MAML2: variants seen among roughly 807,000 people sequenced by gnomAD.
MAML2 encodes the protein mastermind-like protein 2.
In MAML2, 22 loss-of-function variants were observed where a neutral mutation model predicts 96.1. That is an observed-to-expected ratio of 0.23 (90% CI 0.16 to 0.33). MAML2 has a LOEUF of 0.33. MAML2 is among the 10% of genes least tolerant of loss of function. MAML2 has a pLI of 1.00. For synonymous variants in MAML2, 561 were observed against 521.3 expected (o/e 1.08, Z -1.04); for missense variants, 1,367 against 1,392.4 (o/e 0.98, Z 0.29).
chr11:96,328,553 C>A (rs1863815312), intron 1 of MAML2, among the ~76,000 whole-genome samples: 2 of 152,110 alleles, frequency 1.3e-5, no homozygotes, highest in Admixed American at 6.5e-5. Flanking sequence ...CGCCACCCCC[C>A]AAGATCGTAC....
At chr11:96,282,257 AAT>A (rs1555034725) in intron 1 of MAML2, among the ~76,000 whole-genome samples, 3 of 134,214 alleles carry the variant, frequency 2.2e-5, no homozygotes, top group East Asian at 2.4e-4. Context: ...TCAAAAAAAA[AAT>A]AATAATAATA....
At chr11:96,209,634 A>T (rs953033912) in intron 1 of MAML2, among the ~76,000 whole-genome samples, 2 of 152,098 alleles carry the variant, frequency 1.3e-5, no homozygotes, top group African/African-American at 4.8e-5. Flanking sequence ...GAAAAAAATA[A>T]TTGTATTCTT....
intron 1 of MAML2, among the ~76,000 whole-genome samples, chr11:96,222,222 C>A (rs527606299): frequency 6.6e-6 from 1 of 152,160 alleles, no homozygotes; most frequent in South Asian, 2.1e-4. Flanking sequence ...TTGAAACATA[C>A]GCCTTGTGCT....
intron 1 of MAML2, among the ~76,000 whole-genome samples, chr11:96,142,425 C>T (rs1313528808): frequency 1.3e-5 from 2 of 152,080 alleles, no homozygotes; most frequent in African/African-American, 4.8e-5. Context: ...GGAAAAATAC[C>T]CACCACTTGC....
chr11:96,061,732 AT>A (rs1859162652), intron 2 of MAML2, among the ~76,000 whole-genome samples: 1 of 152,154 alleles, frequency 6.6e-6, no homozygotes, highest in South Asian at 2.1e-4. Flanking sequence ...AGAAATTTCC[AT>A]TTCAAACAAA....
chr11:95,982,124 T>A (rs963231183), intron 4 of MAML2, among the ~76,000 whole-genome samples: 8 of 152,158 alleles, frequency 5.3e-5, no homozygotes, highest in African/African-American at 1.9e-4. Flanking sequence ...GTATTGCGTT[T>A]TGTTGCTTAT....
At chr11:96,216,085 C>T (rs961302850) in intron 1 of MAML2, among the ~76,000 whole-genome samples, 1 of 152,032 alleles carries the variant, frequency 6.6e-6, no homozygotes, top group African/African-American at 2.4e-5. Context: ...AGTCACATGT[C>T]CCAGTCCACA....
chr11:96,211,365 G>GT (rs1352940329), intron 1 of MAML2, among the ~76,000 whole-genome samples: 1 of 150,842 alleles, frequency 6.6e-6, no homozygotes, highest in African/African-American at 2.4e-5. Context: ...AATAATTGTC[G>GT]TAAGTACATT....
chr11:96,222,877 A>G (rs541590238), intron 1 of MAML2, among the ~76,000 whole-genome samples: 42 of 152,308 alleles, frequency 2.8e-4, no homozygotes, highest in African/African-American at 1.0e-3. Context: ...AAATTTTCAA[A>G]AAATATAATT....
chr11:96,069,003 T>C (rs1260707593), intron 2 of MAML2, among the ~76,000 whole-genome samples: 2 of 148,146 alleles, frequency 1.4e-5, no homozygotes, highest in Non-Finnish European at 3.0e-5. Context: ...CTCACTGCGG[T>C]CTCAAACTCC....
chr11:96,266,940 T>C (rs967967771), intron 1 of MAML2, among the ~76,000 whole-genome samples: 2 of 152,204 alleles, frequency 1.3e-5, no homozygotes. Flanking sequence ...TATTGAGAAG[T>C]AAATCTCCCA....
chr11:96,072,788 C>A (rs1190124256), intron 2 of MAML2, among the ~76,000 whole-genome samples: 1 of 152,106 alleles, frequency 6.6e-6, no homozygotes, highest in Non-Finnish European at 1.5e-5. Flanking sequence ...GCAATGACGC[C>A]AAAGCCGGCC....
intron 1 of MAML2, among the ~76,000 whole-genome samples, chr11:96,201,567 T>C (rs1480188972): frequency 6.6e-6 from 1 of 152,218 alleles, no homozygotes; most frequent in Non-Finnish European, 1.5e-5. Context: ...AAAATGTCTA[T>C]GAGTATAAAA....
At chr11:96,011,192 A>G (rs1271958568) in intron 2 of MAML2, among the ~76,000 whole-genome samples, 1 of 152,234 alleles carries the variant, frequency 6.6e-6, no homozygotes, top group Non-Finnish European at 1.5e-5. Flanking sequence ...TAGAACTACC[A>G]TTTGACCCAG....
rs1861000559 is a variant in MAML2, at chr11:96,155,600, T to C, written c.514-62083A>G. 2.8e-5 allele frequency among the ~76,000 whole-genome samples: 4 copies of C among 144,042 alleles called. No individual in the cohort carries two copies. The South Asian group carries it at 8.8e-4, about 32-fold the overall frequency. 94.5% of individuals were successfully genotyped at this position (144,042 alleles called of 152,430 possible). A position where few individuals can be genotyped will look rare whatever the true frequency, so the allele number is the denominator to read the frequency against. ...AACACCCTGGTCCAATGTTTAGCTGTTATTCTCCAGGTTGCAAAGGACAGT... is the reference window on the plus strand; with the variant it reads ...AACACCCTGGTCCAATGTTTAGCTGCTATTCTCCAGGTTGCAAAGGACAGT... On this transcript the variant is annotated intron_variant, in intron 1 of 4. Coordinates refer to ENST00000524717, the MANE Select transcript of MAML2 (RefSeq NM_032427.4).
intron 1 of MAML2, among the ~76,000 whole-genome samples, chr11:96,196,570 G>A (rs1309807184): frequency 2.0e-5 from 3 of 152,190 alleles, no homozygotes; most frequent in Admixed American, 6.5e-5. Flanking sequence ...GGCAATACCA[G>A]GCTGGAGAAT....
chr11:96,039,991 C>T (rs1277006742), intron 2 of MAML2, among the ~76,000 whole-genome samples: 3 of 150,052 alleles, frequency 2.0e-5, no homozygotes, highest in Non-Finnish European at 4.4e-5. Flanking sequence ...AAGATCATCA[C>T]AACCTGGGGC....
intron 1 of MAML2, among the ~76,000 whole-genome samples, chr11:96,305,556 T>C (rs1454595791): frequency 2.0e-5 from 3 of 152,248 alleles, no homozygotes; most frequent in Non-Finnish European, 4.4e-5. Flanking sequence ...TGAGACAGGA[T>C]GTATTCTATA....
intron 1 of MAML2, among the ~76,000 whole-genome samples, chr11:96,128,286 T>C (rs1458630514): frequency 5.3e-5 from 8 of 152,058 alleles, no homozygotes; most frequent in Admixed American, 4.6e-4. Context: ...CCCAACTACT[T>C]GGGAGGCTGA....
Sources: allele counts gnomAD v4.1 joint callset (sites outside exome capture counted in the v4.1 genomes callset), GRCh38; gene constraint gnomAD v4.1.1; transcripts MANE v1.5; gene names NCBI Gene and HGNC (gene_info 2026-07-23, HGNC 2026-07-21).